Variants in GPATCH2L observed in about 807,000 individuals in gnomAD.
GPATCH2L encodes the protein G patch domain-containing protein 2-like.
GPATCH2L carries 31 observed loss-of-function variants against 57.4 expected under a neutral mutation model. The ratio of observed to expected loss-of-function variants is 0.54; its 90% confidence interval spans 0.41 to 0.73. The LOEUF (loss-of-function observed/expected upper bound fraction) is 0.73. GPATCH2L is among the 30% of genes least tolerant of loss of function. GPATCH2L has a pLI of 0.00. For missense variants in GPATCH2L, 481 were observed against 599.9 expected (o/e 0.80, Z 2.07); for synonymous variants, 199 against 210.7 (o/e 0.94, Z 0.48).
downstream of GPATCH2L, among the ~76,000 whole-genome samples, chr14:76,218,289 T>A (rs1371330003): frequency 6.6e-6 from 1 of 152,110 alleles, no homozygotes; most frequent in East Asian, 1.9e-4. Context: ...AAGATGATAC[T>A]GAGTTTTTTA....
chr14:76,194,538 C>G (rs1304908419), intron 8 of GPATCH2L, among the ~76,000 whole-genome samples: 1 of 148,978 alleles, frequency 6.7e-6, no homozygotes, highest in Non-Finnish European at 1.5e-5. Context: ...CATGCATGCA[C>G]CCTTTTCAAC....
chr14:76,227,511 CCAGGGGTGTGCAGCAA>C (rs1290919576), intron 1 of GPATCH2L, among the ~76,000 whole-genome samples: 2 of 152,276 alleles, frequency 1.3e-5, no homozygotes, highest in Non-Finnish European at 2.9e-5. Flanking sequence ...AGAGACGAAT[CCAGGGGTGTGCAGCAA>C]CACTGTGTAG....
At chr14:76,221,924 C>T (rs2040516661) in intron 1 of GPATCH2L, among the ~76,000 whole-genome samples, 2 of 152,086 alleles carry the variant, frequency 1.3e-5, no homozygotes, top group Non-Finnish European at 2.9e-5. Flanking sequence ...TATCAAAACC[C>T]ATAGAATGTA....
intron 9 of GPATCH2L, among the ~76,000 whole-genome samples, chr14:76,199,713 G>C (rs560020593): frequency 6.6e-6 from 1 of 152,224 alleles, no homozygotes; most frequent in South Asian, 2.1e-4. Context: ...GTGCTTGTGG[G>C]AAGGTAAAAT....
chr14:76,152,839 T>C (rs1262305717), intron 1 of GPATCH2L: 1 of 447,662 alleles, frequency 2.2e-6, no homozygotes, highest in African/African-American at 2.0e-5. Context: ...AGTAATTCTT[T>C]ATTAGGGAAG....
Position 76,213,986 on chromosome 14 carries a change from T to C in GPATCH2L, c.*12135T>C, listed in dbSNP as rs2139852696. 6.6e-6 allele frequency: 1 copy of C among 152,318 alleles called. No homozygotes were observed. Among genetic ancestry groups the C allele is most frequent in the Middle Eastern group, 3.4e-3 (1 of 294 alleles). The allele number at this position is 152,318 out of a possible 1,614,324, so 9.4% of individuals were successfully genotyped here. A position where few individuals can be genotyped will look rare whatever the true frequency, so the allele number is the denominator to read the frequency against. ...GTGCATGGTACCACACTGTTTTAAT[T>C]ATAGAGACTTTATAGTATGTTTTAA... is the stretch of plus-strand genomic sequence containing the variant. On this transcript the variant is annotated 3_prime_UTR_variant, in exon 10 of 10. Transcript: ENST00000261530.
rs115540735 is a variant in GPATCH2L, at chr14:76,187,241, T to C, written c.1193+6392T>C. 3.3e-3 allele frequency among the ~76,000 whole-genome samples: 497 copies of C among 152,118 alleles called. 5 individuals carry two copies. The highest frequency in any genetic ancestry group is 0.011 in the African/African-American group (468 of 41,506). ...CTTTTTCTCCTTTTACCCTAGCACT[T>C]ACTTGTTCTCTGATTACAACTCAGT... On this transcript the variant is annotated intron_variant, in intron 8 of 9. Coordinates refer to ENST00000261530, the MANE Select transcript of GPATCH2L (RefSeq NM_017926.4).
chr14:76,174,572 G>A (rs1409578231), intron 5 of GPATCH2L: 1 of 152,080 alleles, frequency 6.6e-6, no homozygotes, highest in Non-Finnish European at 1.5e-5. Context: ...AAAGAAATGA[G>A]ACTGTTTATT....
chr14:76,152,097 C>T (rs2289834), intron 1 of GPATCH2L, 106 bp downstream of exon 1: 59,652 of 152,546 alleles, frequency 0.39, 14,184 homozygotes, highest in South Asian at 0.56. Flanking sequence ...CTTGGGGCTG[C>T]GGCAGACGGC....
At chr14:76,182,585 CAAAAAAAAAAAA>C (rs66602777) in intron 8 of GPATCH2L, among the ~76,000 whole-genome samples, 1 of 84,820 alleles carries the variant, frequency 1.2e-5, no homozygotes, top group African/African-American at 4.6e-5. Context: ...GACCCTGTCT[CAAAAAAAAAAAA>C]AAAAAAAAAG....
Position 76,206,972 on chromosome 14 carries a change from A to G in GPATCH2L, c.*5121A>G, listed in dbSNP as rs2040384756. On this transcript the variant is annotated 3_prime_UTR_variant, in exon 10 of 10. Coordinates refer to ENST00000261530, the MANE Select transcript of GPATCH2L (RefSeq NM_017926.4). ...TGAAAGATCTTTTTGAAGAATTGAC[A>G]AAGGATGCTATCAAGGGCTATGTTT... is the stretch of plus-strand genomic sequence containing the variant. 6.6e-6 allele frequency: 1 copy of G among 152,114 alleles called. No homozygotes were observed. Among genetic ancestry groups the G allele is most frequent in the Non-Finnish European group, 1.5e-5 (1 of 68,026 alleles). The allele number at this position is 152,114 out of a possible 1,614,324, so 9.4% of individuals were successfully genotyped here.
chr14:76,232,011 A>ACTGCAGGGTCACTGC, intron 2 of GPATCH2L, among the ~76,000 whole-genome samples: 1 of 150,440 alleles, frequency 6.6e-6, no homozygotes, highest in Non-Finnish European at 1.5e-5. Context: ...CTGCAGGCTC[A>ACTGCAGGGTCACTGC]AGCAATCTTC....
chr14:76,164,718 A>G (rs1307056329), intron 2 of GPATCH2L, among the ~76,000 whole-genome samples: 1 of 152,240 alleles, frequency 6.6e-6, no homozygotes, highest in African/African-American at 2.4e-5. Context: ...TGAAAGGCAA[A>G]CAGTTCATCT....
chr14:76,170,046 G>A (rs1338388518), intron 3 of GPATCH2L, among the ~76,000 whole-genome samples: 1 of 152,192 alleles, frequency 6.6e-6, no homozygotes, highest in Non-Finnish European at 1.5e-5. Flanking sequence ...CATGCTCAAA[G>A]TTGAGAACTA....
intron 9 of GPATCH2L, 97 bp from the exon 10 acceptor site, chr14:76,201,594 A>T: frequency 1.1e-6 from 1 of 907,044 alleles, no homozygotes; most frequent in Non-Finnish European, 1.6e-6. Context: ...TATAAGGATT[A>T]AGAAAATTTT....
chr14:76,199,725 A>T (rs780001180), intron 9 of GPATCH2L, among the ~76,000 whole-genome samples: 1 of 152,196 alleles, frequency 6.6e-6, no homozygotes, highest in African/African-American at 2.4e-5. Flanking sequence ...AGGTAAAATC[A>T]TGCATTGCTG....
At chr14:76,191,941 C>T (rs1418275407) in intron 8 of GPATCH2L, among the ~76,000 whole-genome samples, 1 of 152,000 alleles carries the variant, frequency 6.6e-6, no homozygotes, top group Admixed American at 6.6e-5. Flanking sequence ...TCCCTTCCTT[C>T]CCCTACCCCA....
intron 4 of GPATCH2L, 31 bp downstream of exon 4, chr14:76,172,050 CT>C: frequency 6.9e-7 from 1 of 1,456,184 alleles, no homozygotes; most frequent in Non-Finnish European, 9.4e-7. Context: ...GAACTTAATG[CT>C]TTTATGGTTC....
chr14:76,184,338 A>G (rs2139740824), intron 8 of GPATCH2L, among the ~76,000 whole-genome samples: 1 of 152,208 alleles, frequency 6.6e-6, no homozygotes, highest in African/African-American at 2.4e-5. Context: ...TTTGATAATC[A>G]TGCCTGAACT....
Sources: gnomAD v4.1 joint callset for allele counts (sites outside exome capture counted in the v4.1 genomes callset) on GRCh38, gnomAD v4.1.1 for gene constraint, MANE v1.5 for transcripts, NCBI Gene and HGNC (gene_info 2026-07-23, HGNC 2026-07-21) for gene names.